PLBD1: variants seen among roughly 807,000 people sequenced by gnomAD.
The protein encoded by PLBD1 is lysosomal leucine aminopeptidase.
In PLBD1, 60 loss-of-function variants were observed where a neutral mutation model predicts 63.0. That is an observed-to-expected ratio of 0.95 (90% CI 0.77 to 1.18). PLBD1 has a LOEUF of 1.18. PLBD1 is among the 50% of genes most tolerant of loss of function. PLBD1 has a pLI of 0.00. For synonymous variants in PLBD1, 262 were observed against 248.0 expected (o/e 1.06, Z -0.53); for missense variants, 598 against 677.9 (o/e 0.88, Z 1.31).
intron 6 of PLBD1, among the ~76,000 whole-genome samples, chr12:14,517,601 TCTGAA>T (rs1217060631): frequency 3.9e-5 from 6 of 152,228 alleles, no homozygotes; most frequent in African/African-American, 1.4e-4. Flanking sequence ...ATTTAACTTC[TCTGAA>T]CTGTTTATTT....
At position 14,567,629 on chromosome 12, in the gene PLBD1, A is replaced by AGCAGCAGCAGAAGCGGCGGCG; in HGVS notation, c.67_68insCGCCGCCGCTTCTGCTGCTGC (p.Leu22_Leu23insProProProLeuLeuLeuLeu). ...GGTGACTAACAACAGCGGCAGCAGC[A>AGCAGCAGCAGAAGCGGCGGCG]GCAGCAGCAGCAGAAGCGGTGGCGG... On this transcript the variant is annotated inframe_insertion, in exon 1 of 11. Coordinates refer to ENST00000240617, the MANE Select transcript of PLBD1 (RefSeq NM_024829.6). 1 of 1,492,988 alleles carries AGCAGCAGCAGAAGCGGCGGCG rather than the reference A, an allele frequency of 6.7e-7. No homozygotes were observed. Among genetic ancestry groups the AGCAGCAGCAGAAGCGGCGGCG allele is most frequent in the South Asian group, 1.2e-5 (1 of 80,488 alleles). 92.5% of individuals were successfully genotyped at this position (1,492,988 alleles called of 1,614,324 possible). A position where few individuals can be genotyped will look rare whatever the true frequency, so the allele number is the denominator to read the frequency against.
At chr12:14,506,369 A>T in intron 9 of PLBD1, 101 bp from the exon 10 acceptor site, 1 of 820,716 alleles carries the variant, frequency 1.2e-6, no homozygotes, top group Non-Finnish European at 2.0e-6. Context: ...ATAATCAGAG[A>T]GTGTACTCCC....
chr12:14,507,950 G>A (rs750775671), intron 8 of PLBD1, among the ~76,000 whole-genome samples: 5 of 152,130 alleles, frequency 3.3e-5, no homozygotes, highest in Non-Finnish European at 7.4e-5. Flanking sequence ...ACCATGCAGG[G>A]TTCTCTCCCA....
At position 14,511,572 on chromosome 12, in the gene PLBD1, C is replaced by T; in HGVS notation, c.984G>A (p.Val328=). 1 of 1,614,180 alleles carries T rather than the reference C, an allele frequency of 6.2e-7. No homozygotes were observed. The highest frequency in any genetic ancestry group is 8.5e-7 in the Non-Finnish European group (1 of 1,180,036). The change falls in exon 7 of 11, where the codon GTG becomes GTA. Residue 328 remains valine (V), a synonymous_variant. Transcript: ENST00000240617. The stretch of plus-strand genomic sequence containing the variant: ...TGCCACTATCTGCCATCATATTGGC[C>T]ACACGGACTCTTTGCCAGGACAGGA... ...ETLLSWQRVR[V]ANMMADSGKR...
Position 14,517,203 on chromosome 12 carries a change from G to A in PLBD1, c.845-5492C>T, listed in dbSNP as rs541518078. 1.1e-4 allele frequency among the ~76,000 whole-genome samples: 16 copies of A among 152,234 alleles called. No individual in the cohort carries two copies. The Middle Eastern group carries it at 0.01, about 97-fold the overall frequency. On this transcript the variant is annotated intron_variant, in intron 6 of 10. Transcript: ENST00000240617. The stretch of plus-strand genomic sequence containing the variant: ...GCTCTGTCGCCCAGGCTGGAGTGCC[G>A]TGGCGTGATCAAGGCTCAAGGCAGC...
chr12:14,544,607 A>G (rs1165767748), intron 2 of PLBD1, among the ~76,000 whole-genome samples: 1 of 152,170 alleles, frequency 6.6e-6, no homozygotes, highest in East Asian at 1.9e-4. Flanking sequence ...GCTATGTCTA[A>G]TAACAGTTTT....
intron 10 of PLBD1, among the ~76,000 whole-genome samples, chr12:14,504,543 C>G (rs1945235370): frequency 6.6e-6 from 1 of 152,346 alleles, no homozygotes; most frequent in Non-Finnish European, 1.5e-5. Flanking sequence ...AATCACTTAA[C>G]CCCTCTATGA....
intron 6 of PLBD1, among the ~76,000 whole-genome samples, chr12:14,526,313 T>C (rs11837459): frequency 0.011 from 1,658 of 152,318 alleles, 21 homozygotes; most frequent in African/African-American, 0.038. Flanking sequence ...ATTCCGTTTG[T>C]GCTAACAAAT....
chr12:14,548,678 T>G (rs539786436), intron 2 of PLBD1, among the ~76,000 whole-genome samples: 1 of 152,292 alleles, frequency 6.6e-6, no homozygotes, highest in East Asian at 1.9e-4. Context: ...CATCACTGTT[T>G]TAGCAATGTT....
chr12:14,536,958 G>A (rs182597201), intron 4 of PLBD1, among the ~76,000 whole-genome samples: 11 of 151,806 alleles, frequency 7.2e-5, no homozygotes, highest in East Asian at 1.9e-4. Context: ...GCGTGGTGGC[G>A]GGCGCCTGTA....
At chr12:14,513,997 T>C (rs1052208218) in intron 6 of PLBD1, among the ~76,000 whole-genome samples, 2 of 152,242 alleles carry the variant, frequency 1.3e-5, no homozygotes, top group East Asian at 1.9e-4. Context: ...GCCAGGATGG[T>C]CTCGATCTCC....
chr12:14,533,818 A>G (rs1267395920), intron 6 of PLBD1, among the ~76,000 whole-genome samples: 1 of 152,246 alleles, frequency 6.6e-6, no homozygotes, highest in Non-Finnish European at 1.5e-5. Context: ...GGTCACAAGG[A>G]CAGAGAAATA....
At chr12:14,504,057 C>T (rs1945228506) in intron 10 of PLBD1, 103 bp from the exon 11 acceptor site, 2 of 1,148,698 alleles carry the variant, frequency 1.7e-6, no homozygotes, top group East Asian at 2.5e-5. Context: ...ACAATATTAG[C>T]TTTTTTTTTG....
chr12:14,540,168 G>T (rs1344985995), intron 4 of PLBD1, among the ~76,000 whole-genome samples: 1 of 117,942 alleles, frequency 8.5e-6, no homozygotes, highest in East Asian at 2.9e-4. Flanking sequence ...AATGTAACAT[G>T]TTATATAATA....
At chr12:14,549,501 A>C (rs1945640342) in intron 2 of PLBD1, among the ~76,000 whole-genome samples, 1 of 152,180 alleles carries the variant, frequency 6.6e-6, no homozygotes, top group South Asian at 2.1e-4. Context: ...CAGAGATGAC[A>C]GAGAGGTCAT....
At position 14,503,830 on chromosome 12, in the gene PLBD1, T is replaced by A. The variant is rs1345412144; in HGVS notation, c.1604A>T (p.Glu535Val). ...FNKTLHQGMP[E>V]VYNFDFITMK... ...GGTAATAAAATCAAAGTTGTAGACCTCTGGCATGCCCTGATGTAGAGTTTT... is the reference window on the plus strand; with the variant it reads ...GGTAATAAAATCAAAGTTGTAGACCACTGGCATGCCCTGATGTAGAGTTTT... Residue 535 changes from glutamate to valine, a missense_variant, in exon 11 of 11, where the codon GAG (glutamate) becomes GTG (valine). Physicochemically the swap from Glu to Val is moderately radical, Grantham distance 121. Coordinates refer to ENST00000240617, the MANE Select transcript of PLBD1 (RefSeq NM_024829.6). 8 of 1,613,982 alleles carry A rather than the reference T, an allele frequency of 5.0e-6. No homozygotes were observed. The highest frequency in any genetic ancestry group is 6.8e-6 in the Non-Finnish European group (8 of 1,179,866).
At chr12:14,521,421 C>T (rs540617485) in intron 6 of PLBD1, among the ~76,000 whole-genome samples, 6 of 152,026 alleles carry the variant, frequency 3.9e-5, no homozygotes, top group South Asian at 4.2e-4. Flanking sequence ...GCACCCGTGG[C>T]GCATGAAACA....
intron 6 of PLBD1, among the ~76,000 whole-genome samples, chr12:14,532,316 G>A (rs12367040): frequency 2.6e-5 from 4 of 152,114 alleles, no homozygotes; most frequent in Non-Finnish European, 4.4e-5. Flanking sequence ...GGCCTAGCCC[G>A]CCCCAAGGAC....
intron 6 of PLBD1, among the ~76,000 whole-genome samples, chr12:14,525,232 A>G (rs1264546009): frequency 1.3e-5 from 2 of 152,208 alleles, no homozygotes; most frequent in African/African-American, 4.8e-5. Flanking sequence ...ACTGAACTCC[A>G]TCCTGGGCAA....
Sources: gnomAD v4.1 joint callset for allele counts (sites outside exome capture counted in the v4.1 genomes callset) on GRCh38, gnomAD v4.1.1 for gene constraint, MANE v1.5 for transcripts, NCBI Gene and HGNC (gene_info 2026-07-23, HGNC 2026-07-21) for gene names.